The following NEDD9 variants were observed in gnomAD, a reference collection of about 807,000 sequenced individuals.
NEDD9 encodes enhancer of filamentation 1.
A neutral mutation model predicts 76.6 loss-of-function variants in NEDD9; 26 were observed. The ratio of observed to expected loss-of-function variants is 0.34; its 90% CI spans 0.25 to 0.47. The LOEUF (loss-of-function observed/expected upper bound fraction) is 0.47. Ranked by LOEUF, NEDD9 falls within the 20% of genes least tolerant of loss-of-function variation. The probability of loss-of-function intolerance (pLI) is 1.00; values close to 1 mark genes in which losing one functional copy is unlikely to be tolerated. For synonymous variants in NEDD9, 392 were observed against 414.2 expected (o/e 0.95, Z 0.65); for missense variants, 937 against 1,058.5 (o/e 0.89, Z 1.59).
chr6:11,269,591 T>C (rs183214943), intron 3 of NEDD9, among the ~76,000 whole-genome samples: 72 of 149,580 alleles, frequency 4.8e-4, no homozygotes, highest in Admixed American at 1.5e-3. Flanking sequence ...AATAACTCTT[T>C]TTTTTTCTTT....
rs1208373634 is a variant in NEDD9 at position 11,191,092 on chromosome 6, C to T, written c.777G>A (p.Gly259=). ...QAGRPDLRPE[G]VYDIPPTCTK... ...TGCAGGTTGGAGGAATGTCATAAAC[C>T]CCCTCCGGTCTGAGGTCCGGCCTTC... is the stretch of plus-strand genomic sequence containing the variant. Residue 259 remains glycine (G), a synonymous_variant, in exon 5 of 7, where the codon GGG becomes GGA. Coordinates refer to ENST00000379446, the MANE Select transcript of NEDD9 (RefSeq NM_006403.4). The T allele has an allele frequency of 1.9e-6, 3 of 1,613,896 alleles. No individual in the cohort carries two copies. Among genetic ancestry groups the T allele is most frequent in the Non-Finnish European group, 2.5e-6 (3 of 1,179,986 alleles).
chr6:11,224,444 G>C (rs73437357), intron 1 of NEDD9, among the ~76,000 whole-genome samples: 10,323 of 152,236 alleles, frequency 0.068, 467 homozygotes, highest in Middle Eastern at 0.16. Context: ...GGTCAGGGAA[G>C]CGGAGATAGC....
intron 3 of NEDD9, among the ~76,000 whole-genome samples, chr6:11,288,770 G>A (rs1303184366): frequency 6.6e-6 from 1 of 152,152 alleles, no homozygotes; most frequent in Non-Finnish European, 1.5e-5. Context: ...GCAGCCACTT[G>A]GCATTCTGCT....
chr6:11,196,072 A>G (rs1758284220), intron 2 of NEDD9, among the ~76,000 whole-genome samples: 1 of 152,190 alleles, frequency 6.6e-6, no homozygotes, highest in Non-Finnish European at 1.5e-5. Flanking sequence ...TGGGAGGGCA[A>G]GGATCGCGGA....
intron 2 of NEDD9, among the ~76,000 whole-genome samples, chr6:11,315,850 A>G (rs1761537797): frequency 6.6e-6 from 1 of 152,250 alleles, no homozygotes; most frequent in Non-Finnish European, 1.5e-5. Flanking sequence ...CAAATAATTC[A>G]TGCTTTAACA....
chr6:11,343,784 G>A (rs919724287), intron 1 of NEDD9, among the ~76,000 whole-genome samples: 35 of 152,228 alleles, frequency 2.3e-4, no homozygotes, highest in African/African-American at 8.0e-4. Context: ...TCAATATGCT[G>A]TGAAACTCAA....
rs1758864359 is a variant in NEDD9 at position 11,213,838 on chromosome 6, T to C, written c.13-111A>G. ...CACACTTCCTGGAAAGAGAGAAGCA[T>C]AAATCTGAACAATAGACTGTAAGGA... On this transcript the variant is annotated intron_variant, in intron 1 of 6. Coordinates refer to ENST00000379446, the MANE Select transcript of NEDD9 (RefSeq NM_006403.4). The surrounding 1 kb of genome is among the most constrained non-coding windows in gnomAD (Gnocchi z 5.4). 1.0e-6 allele frequency: 1 copy of C among 960,192 alleles called. No individual in the cohort carries two copies. Among genetic ancestry groups the C allele is most frequent in the African/African-American group, 1.6e-5 (1 of 60,832 alleles). The allele number at this position is 960,192 out of a possible 1,614,324, so 59.5% of individuals were successfully genotyped here.
intron 2 of NEDD9, among the ~76,000 whole-genome samples, chr6:11,321,873 G>A (rs56164686): frequency 1.3e-5 from 2 of 152,188 alleles, no homozygotes; most frequent in African/African-American, 4.8e-5. Context: ...GAAATGCAAT[G>A]TTAGTGGGCT....
chr6:11,276,380 CGTGTGTGTGTGCGTGCAT>C (rs984861750), intron 3 of NEDD9, among the ~76,000 whole-genome samples: 2 of 151,948 alleles, frequency 1.3e-5, no homozygotes, highest in African/African-American at 2.4e-5. Flanking sequence ...CACCTGTGCA[CGTGTGTGTGTGCGTGCAT>C]GTGTGTGTGC....
At chr6:11,209,880 CAGTT>C (rs1758721941) in intron 2 of NEDD9, among the ~76,000 whole-genome samples, 2 of 150,794 alleles carry the variant, frequency 1.3e-5, no homozygotes, top group Non-Finnish European at 2.9e-5. Context: ...TGATGAATGT[CAGTT>C]AGTGTGGAGG....
At chr6:11,274,763 G>A (rs1581993580) in intron 3 of NEDD9, among the ~76,000 whole-genome samples, 1 of 152,272 alleles carries the variant, frequency 6.6e-6, no homozygotes, top group East Asian at 1.9e-4. Flanking sequence ...ACACACGGCT[G>A]GGGAAAATGT....
intron 2 of NEDD9, among the ~76,000 whole-genome samples, chr6:11,333,992 GT>G (rs1247751028): frequency 1.3e-5 from 2 of 152,264 alleles, no homozygotes; most frequent in South Asian, 4.1e-4. Context: ...GGGTTGCTCA[GT>G]TTTTTTCCTT....
chr6:11,261,786 T>C (rs1760120727), intron 3 of NEDD9, among the ~76,000 whole-genome samples: 1 of 145,796 alleles, frequency 6.9e-6, no homozygotes, highest in Admixed American at 6.7e-5. Flanking sequence ...CCCCTTGTTT[T>C]TGCTCTGCTA....
At chr6:11,317,296 G>A (rs1217996941) in intron 2 of NEDD9, among the ~76,000 whole-genome samples, 1 of 152,086 alleles carries the variant, frequency 6.6e-6, no homozygotes, top group Non-Finnish European at 1.5e-5. Context: ...AGCTGGGTAT[G>A]GGGGTGCGGG....
At chr6:11,259,935 A>AACACATACACACAC (rs1760074573) in intron 3 of NEDD9, among the ~76,000 whole-genome samples, 1 of 142,508 alleles carries the variant, frequency 7.0e-6, no homozygotes, top group Admixed American at 7.0e-5. Context: ...CTGCGCCCTT[A>AACACATACACACAC]ACACACACAC....
In NEDD9 at chr6:11,242,246, G is replaced by A. The variant is rs992444503; in HGVS notation, c.13-28519C>T. ...CTGGCAATGAGCATGCACAAGACTT[G>A]AAGTCTCGCTCACTGGTACCCCTGA... is the stretch of plus-strand genomic sequence containing the variant. On this transcript the variant is annotated intron_variant, in intron 3 of 3. Coordinates refer to the NEDD9 transcript ENST00000397378. Among the ~76,000 whole-genome samples, 6 of 152,186 alleles carry A rather than the reference G, an allele frequency of 3.9e-5. 1 individual carries two copies. The highest frequency in any genetic ancestry group is 1.4e-4 in the African/African-American group (6 of 41,444).
chr6:11,210,533 C>T (rs115216731), intron 2 of NEDD9, among the ~76,000 whole-genome samples: 37 of 152,222 alleles, frequency 2.4e-4, no homozygotes, highest in African/African-American at 8.2e-4. Context: ...GAAAAAGCCA[C>T]GCCTGATCCC....
rs1475538705 is a variant in NEDD9, at chr6:11,241,056, A to C, written c.13-27329T>G. On this transcript the variant is annotated intron_variant, in intron 3 of 3. Transcript: ENST00000397378. The surrounding 1 kb of genome is among the most constrained non-coding windows in gnomAD (Gnocchi z 4.0). ...AACTTGTTATATGAAACTGTCATGG[A>C]AATCTTTTCTGCTGATAGAAACTTC... Among the ~76,000 whole-genome samples the C allele has an allele frequency of 6.6e-6, 1 of 152,226 alleles. No individual in the cohort carries two copies. Among genetic ancestry groups the C allele is most frequent in the African/African-American group, 2.4e-5 (1 of 41,454 alleles).
chr6:11,276,439 A>G (rs950131873), intron 3 of NEDD9, among the ~76,000 whole-genome samples: 6 of 152,074 alleles, frequency 3.9e-5, no homozygotes, highest in Non-Finnish European at 7.4e-5. Flanking sequence ...ACACATGCTG[A>G]GTCTTCTCTC....
Sources: allele counts gnomAD v4.1 joint callset (sites outside exome capture counted in the v4.1 genomes callset), GRCh38; gene constraint gnomAD v4.1.1; non-coding constraint Gnocchi (gnomAD v3.1); transcripts MANE v1.5; gene names NCBI Gene and HGNC (gene_info 2026-07-23, HGNC 2026-07-21).